The following ADAMTS12 variants were observed in gnomAD, a reference collection of about 807,000 sequenced individuals.
ADAMTS12 encodes ADAM metallopeptidase with thrombospondin type 1 motif 12.
ADAMTS12 carries 118 observed loss-of-function variants against 167.8 expected under a neutral mutation model. The observed-to-expected ratio is 0.70, with a 90% CI of 0.61 to 0.82. The LOEUF (loss-of-function observed/expected upper bound fraction) is 0.82, where lower values mean the gene tolerates loss of function less well. Among genes scored for constraint, ADAMTS12 ranks in the 40% least tolerant of loss-of-function variants. The pLI is 0.00. For synonymous variants in ADAMTS12, 704 were observed against 716.9 expected (o/e 0.98, Z 0.29); for missense variants, 1,916 against 1,998.8 (o/e 0.96, Z 0.79).
intron 3 of ADAMTS12, among the ~76,000 whole-genome samples, chr5:33,704,808 T>C (rs1215283883): frequency 2.0e-5 from 3 of 152,234 alleles, no homozygotes; most frequent in African/African-American, 7.2e-5. Context: ...GTTAATTGTG[T>C]CTTTTGCTGT....
intron 2 of ADAMTS12, among the ~76,000 whole-genome samples, chr5:33,821,726 T>C (rs537990790): frequency 2.0e-4 from 30 of 152,302 alleles, no homozygotes; most frequent in African/African-American, 7.2e-4. Context: ...GCTTAGCTAC[T>C]CCAAGTCACA....
intron 17 of ADAMTS12, among the ~76,000 whole-genome samples, chr5:33,592,178 G>A (rs1012342065): frequency 7.9e-5 from 12 of 152,090 alleles, no homozygotes; most frequent in South Asian, 2.1e-4. Flanking sequence ...GCGGTGAGCC[G>A]AGATTGCGCC....
chr5:33,805,400 G>A (rs534752002), intron 2 of ADAMTS12, among the ~76,000 whole-genome samples: 101 of 152,284 alleles, frequency 6.6e-4, no homozygotes, highest in Admixed American at 2.9e-3. Context: ...TAGTTGAGCC[G>A]TATTCTCCAT....
intron 3 of ADAMTS12, among the ~76,000 whole-genome samples, chr5:33,749,688 C>A (rs1037539377): frequency 6.6e-6 from 1 of 152,086 alleles, no homozygotes; most frequent in Non-Finnish European, 1.5e-5. Flanking sequence ...GTCTTGAGAT[C>A]GGCCTAGAAG....
At chr5:33,572,549 GC>G in intron 19 of ADAMTS12, among the ~76,000 whole-genome samples, 1 of 133,868 alleles carries the variant, frequency 7.5e-6, no homozygotes, top group Non-Finnish European at 1.6e-5. Flanking sequence ...AATTCAACAA[GC>G]CTTCATGCTA....
At chr5:33,844,743 G>A (rs1748879606) in intron 2 of ADAMTS12, among the ~76,000 whole-genome samples, 1 of 152,120 alleles carries the variant, frequency 6.6e-6, no homozygotes. Context: ...CACCCTATTT[G>A]TAGACTCCCT....
At chr5:33,569,534 T>C (rs1746201805) in intron 19 of ADAMTS12, among the ~76,000 whole-genome samples, 1 of 152,006 alleles carries the variant, frequency 6.6e-6, no homozygotes, top group Admixed American at 6.6e-5. Context: ...CAGCTGAGGG[T>C]CCTGTCTGTT....
chr5:33,743,177 G>A (rs904449364), intron 3 of ADAMTS12, among the ~76,000 whole-genome samples: 1 of 152,198 alleles, frequency 6.6e-6, no homozygotes, highest in Non-Finnish European at 1.5e-5. Flanking sequence ...AAAGGAAGGG[G>A]AGAGTGGTGG....
At chr5:33,546,296 C>A in intron 21 of ADAMTS12, 94 bp from the exon 22 acceptor site, 1 of 1,227,166 alleles carries the variant, frequency 8.1e-7, no homozygotes, top group Non-Finnish European at 1.1e-6. Flanking sequence ...TTGTTATGTA[C>A]AGTGTTACTA....
chr5:33,811,400 A>C (rs957619779), intron 2 of ADAMTS12, among the ~76,000 whole-genome samples: 2 of 152,194 alleles, frequency 1.3e-5, no homozygotes, highest in African/African-American at 2.4e-5. Context: ...GGATGACTTC[A>C]ATTAGGATGG....
chr5:33,743,696 C>T (rs1421122402), intron 3 of ADAMTS12, among the ~76,000 whole-genome samples: 1 of 152,184 alleles, frequency 6.6e-6, no homozygotes, highest in African/African-American at 2.4e-5. Flanking sequence ...TCTATCCATC[C>T]ATCCATCTAT....
At chr5:33,737,917 C>G (rs1368916925) in intron 3 of ADAMTS12, among the ~76,000 whole-genome samples, 1 of 152,124 alleles carries the variant, frequency 6.6e-6, no homozygotes, top group Non-Finnish European at 1.5e-5. Flanking sequence ...CCACAGTTTA[C>G]AGAGGAGAAA....
At chr5:33,743,656 G>A (rs1744679179) in intron 3 of ADAMTS12, among the ~76,000 whole-genome samples, 1 of 152,152 alleles carries the variant, frequency 6.6e-6, no homozygotes, top group Non-Finnish European at 1.5e-5. Context: ...CTGAGTAAAT[G>A]AAATCACTTG....
chr5:33,667,072 A>G (rs1741499656), intron 5 of ADAMTS12, among the ~76,000 whole-genome samples: 1 of 152,150 alleles, frequency 6.6e-6, no homozygotes, highest in Non-Finnish European at 1.5e-5. Context: ...ATTAGAATTG[A>G]TCACTAATGG....
At chr5:33,757,684 T>A (rs1745216018) in intron 2 of ADAMTS12, among the ~76,000 whole-genome samples, 1 of 152,140 alleles carries the variant, frequency 6.6e-6, no homozygotes, top group Admixed American at 6.5e-5. Flanking sequence ...GAATATAGGA[T>A]CAAAAACGTA....
At chr5:33,567,544 C>T (rs567354599) in intron 19 of ADAMTS12, among the ~76,000 whole-genome samples, 16 of 152,284 alleles carry the variant, frequency 1.1e-4, no homozygotes, top group African/African-American at 1.7e-4. Context: ...ATGTTCCCTC[C>T]GCATCCGCAT....
At chr5:33,555,109 C>T (rs1745430179) in intron 20 of ADAMTS12, among the ~76,000 whole-genome samples, 1 of 152,158 alleles carries the variant, frequency 6.6e-6, no homozygotes, top group Admixed American at 6.6e-5. Context: ...TCAGAAGAAA[C>T]AGACAAAATA....
intron 2 of ADAMTS12, among the ~76,000 whole-genome samples, chr5:33,798,016 A>G (rs1746845412): frequency 6.6e-6 from 1 of 152,214 alleles, no homozygotes; most frequent in Non-Finnish European, 1.5e-5. Context: ...GACATCTGAC[A>G]ATCTCTTTCC....
At chr5:33,627,475 G>T (rs1395260052) in intron 13 of ADAMTS12, among the ~76,000 whole-genome samples, 1 of 150,914 alleles carries the variant, frequency 6.6e-6, no homozygotes, top group African/African-American at 2.4e-5. Context: ...TGGTGTTGGT[G>T]GTGGTGATAT....
Sources: gnomAD v4.1 joint callset for allele counts (sites outside exome capture counted in the v4.1 genomes callset) on GRCh38, gnomAD v4.1.1 for gene constraint, MANE v1.5 for transcripts, NCBI Gene and HGNC (gene_info 2026-07-23, HGNC 2026-07-21) for gene names.